DSE: variants seen among roughly 807,000 people sequenced by gnomAD.
The protein encoded by DSE is dermatan sulfate epimerase.
Under a neutral mutation model 84.4 loss-of-function variants are expected in DSE, and 36 were observed. The observed-to-expected ratio is 0.43, with a 90% CI of 0.33 to 0.56. The LOEUF is 0.56. Ranked by LOEUF, DSE falls within the 20% of genes least tolerant of loss-of-function variation. The pLI is 0.06. For missense variants in DSE, 862 were observed against 1,169.6 expected (o/e 0.74, Z 3.84); for synonymous variants, 410 against 430.1 (o/e 0.95, Z 0.58).
At position 116,438,822 on chromosome 6, in the gene DSE, T is replaced by A. The variant is rs577345824; in HGVS notation, c.*1477T>A. On this transcript the variant is annotated 3_prime_UTR_variant, in exon 6 of 6. Coordinates refer to ENST00000644252, the MANE Select transcript of DSE (RefSeq NM_013352.4). ...CCAAAAGACAAGCTAGAGAAACTTT[T>A]AAGTACCTTTCTGCAGTTCTAATTT... 3.9e-5 allele frequency: 6 copies of A among 152,210 alleles called. No homozygotes were observed. The highest frequency in any genetic ancestry group is 2.1e-4 in the South Asian group (1 of 4,830). The allele number at this position is 152,210 out of a possible 1,614,324, so 9.4% of individuals were successfully genotyped here. A position where few individuals can be genotyped will look rare whatever the true frequency, so the allele number is the denominator to read the frequency against.
chr6:116,353,272 CT>C (rs1371445129), intron 2 of DSE, among the ~76,000 whole-genome samples: 1 of 152,040 alleles, frequency 6.6e-6, no homozygotes, highest in African/African-American at 2.4e-5. Flanking sequence ...TACTTTTGCT[CT>C]GGAAAAATGA....
At chr6:116,292,027 G>A (rs1774313021) in intron 2 of DSE, among the ~76,000 whole-genome samples, 1 of 152,110 alleles carries the variant, frequency 6.6e-6, no homozygotes, top group South Asian at 2.1e-4. Context: ...GGAGATGTTG[G>A]GTATTTGTAG....
chr6:116,383,009 G>A (rs1311015123), intron 1 of DSE, among the ~76,000 whole-genome samples: 1 of 152,162 alleles, frequency 6.6e-6, no homozygotes, highest in Non-Finnish European at 1.5e-5. Context: ...GAATTGAAGA[G>A]GCTGCCTCCA....
chr6:116,411,743 C>G (rs1450933643), intron 2 of DSE, among the ~76,000 whole-genome samples: 1 of 152,154 alleles, frequency 6.6e-6, no homozygotes, highest in Non-Finnish European at 1.5e-5. Flanking sequence ...TTACCTTTTT[C>G]CAAGAGCCTG....
intron 2 of DSE, among the ~76,000 whole-genome samples, chr6:116,410,764 A>G (rs113429686): frequency 0.015 from 2,054 of 138,524 alleles, 13 homozygotes; most frequent in African/African-American, 0.018. Context: ...AAAAAAAAAA[A>G]AAGAAGAAGA....
rs1044559158 is a variant in DSE, at chr6:116,442,656, A to T, written c.*5311A>T. 1.3e-5 allele frequency: 2 copies of T among 152,128 alleles called. No homozygotes were observed. The highest frequency in any genetic ancestry group is 2.9e-5 in the Non-Finnish European group (2 of 68,056). The allele number at this position is 152,128 out of a possible 1,614,324, so 9.4% of individuals were successfully genotyped here. On this transcript the variant is annotated 3_prime_UTR_variant, in exon 6 of 6. Transcript: ENST00000644252. ...GGAGAATGGGTGAAGATGAAACTGA[A>T]AAGGCAAGCAGGGAGGCTATTGTGC... is the stretch of plus-strand genomic sequence containing the variant.
At chr6:116,259,431 A>T (rs1772306411) in intron 2 of DSE, among the ~76,000 whole-genome samples, 1 of 152,190 alleles carries the variant, frequency 6.6e-6, no homozygotes, top group South Asian at 2.1e-4. Context: ...CAGCTTTATG[A>T]TAAAGTTCTG....
intron 2 of DSE, among the ~76,000 whole-genome samples, chr6:116,319,281 C>A (rs189885061): frequency 1.9e-4 from 29 of 152,334 alleles, no homozygotes; most frequent in African/African-American, 7.0e-4. Context: ...CTTTAATGCT[C>A]AGTGATATAA....
At chr6:116,363,430 A>G (rs982036505) in intron 2 of DSE, among the ~76,000 whole-genome samples, 10 of 152,136 alleles carry the variant, frequency 6.6e-5, no homozygotes, top group African/African-American at 2.4e-4. Context: ...TCTTCACACC[A>G]CAACATTAAT....
chr6:116,439,544 C>T lies in DSE; in HGVS notation c.*2199C>T, dbSNP rs1562318985. The T allele has an allele frequency of 6.6e-6, 1 of 151,248 alleles. No individual in the cohort carries two copies. Among genetic ancestry groups the T allele is most frequent in the Non-Finnish European group, 1.5e-5 (1 of 67,872 alleles). The allele number at this position is 151,248 out of a possible 1,614,324, so 9.4% of individuals were successfully genotyped here. A position where few individuals can be genotyped will look rare whatever the true frequency, so the allele number is the denominator to read the frequency against. On this transcript the variant is annotated 3_prime_UTR_variant, in exon 6 of 6. Transcript: ENST00000644252. Reference sequence around the variant, plus strand: ...AAAAATGCTGAAACAAATCACCCCTCTTCATAATGAAACATGTTTTTTTTA... The same window carrying T: ...AAAAATGCTGAAACAAATCACCCCTTTTCATAATGAAACATGTTTTTTTTA...
At chr6:116,328,328 T>C (rs1007119339) in intron 2 of DSE, among the ~76,000 whole-genome samples, 4 of 152,224 alleles carry the variant, frequency 2.6e-5, no homozygotes, top group Non-Finnish European at 5.9e-5. Context: ...CTAATTAACA[T>C]TTGTTACACT....
At chr6:116,399,735 C>A in intron 2 of DSE, 69 bp downstream of exon 2, 1 of 1,446,634 alleles carries the variant, frequency 6.9e-7, no homozygotes, top group Non-Finnish European at 9.4e-7. Flanking sequence ...CATATGACAT[C>A]TCAGTGGCCA....
intron 2 of DSE, among the ~76,000 whole-genome samples, chr6:116,306,536 C>T (rs1405843990): frequency 6.6e-6 from 1 of 152,136 alleles, no homozygotes; most frequent in African/African-American, 2.4e-5. Flanking sequence ...TTTGTTCCTG[C>T]TGTTTGCTCT....
intron 2 of DSE, among the ~76,000 whole-genome samples, chr6:116,342,823 G>A (rs552820126): frequency 6.6e-6 from 1 of 152,330 alleles, no homozygotes; most frequent in South Asian, 2.1e-4. Context: ...GACAGTGGAT[G>A]CAGCCCACGG....
chr6:116,433,653 T>C (rs970630620), intron 5 of DSE, 103 bp downstream of exon 5: 16 of 1,222,486 alleles, frequency 1.3e-5, no homozygotes, highest in Non-Finnish European at 4.5e-6. Flanking sequence ...TAAAACACTT[T>C]TTAAATCTTT....
At chr6:116,255,375 A>G (rs184726653) in intron 1 of DSE, 2 of 152,318 alleles carry the variant, frequency 1.3e-5, no homozygotes, top group Non-Finnish European at 2.9e-5. Flanking sequence ...AAGATAAAGT[A>G]CTGATGAAAG....
Position 116,440,907 on chromosome 6 carries a change from G to C in DSE, c.*3562G>C, listed in dbSNP as rs1349894786. On this transcript the variant is annotated 3_prime_UTR_variant, in exon 6 of 6. Coordinates refer to ENST00000644252, the MANE Select transcript of DSE (RefSeq NM_013352.4). ...TACAGATGAGGAAAGCAAGCCTCAA[G>C]CAAGGGGGGCCTGATCCTTTCCCTG... 6 of 152,294 alleles carry C rather than the reference G, an allele frequency of 3.9e-5. No homozygotes were observed. The highest frequency in any genetic ancestry group is 1.4e-4 in the African/African-American group (6 of 41,570). 9.4% of individuals were successfully genotyped at this position (152,294 alleles called of 1,614,324 possible). A position where few individuals can be genotyped will look rare whatever the true frequency, so the allele number is the denominator to read the frequency against.
chr6:116,277,487 G>C (rs1209312096), intron 2 of DSE: 1 of 152,340 alleles, frequency 6.6e-6, no homozygotes, highest in African/African-American at 2.4e-5. Flanking sequence ...AACTATTCTA[G>C]GAGTTGATAA....
intron 1 of DSE, among the ~76,000 whole-genome samples, chr6:116,386,552 C>G (rs1780587874): frequency 6.6e-6 from 1 of 152,262 alleles, no homozygotes; most frequent in Admixed American, 6.5e-5. Flanking sequence ...CCAATACATG[C>G]AAAGCGTTGC....
Sources: gnomAD v4.1 joint callset for allele counts (sites outside exome capture counted in the v4.1 genomes callset) on GRCh38, gnomAD v4.1.1 for gene constraint, MANE v1.5 for transcripts, NCBI Gene and HGNC (gene_info 2026-07-23, HGNC 2026-07-21) for gene names.